The following FMN1 variants were observed in gnomAD, a reference collection of about 807,000 sequenced individuals.
FMN1 encodes formin-1.
In FMN1, 110 loss-of-function variants were observed where a neutral mutation model predicts 132.4. The observed-to-expected ratio is 0.83, with a 90% CI of 0.71 to 0.97. The LOEUF is 0.97. FMN1 is among the 50% of genes least tolerant of loss of function. The pLI is 0.00. For missense variants in FMN1, 1,792 were observed against 1,705.3 expected, an observed-to-expected ratio of 1.05 and a Z score of -0.90; for synonymous variants, 722 against 651.7, an observed-to-expected ratio of 1.11 and a Z score of -1.64.
At chr15:32,965,182 G>C (rs2031080507) in intron 8 of FMN1, among the ~76,000 whole-genome samples, 1 of 152,160 alleles carries the variant, frequency 6.6e-6, no homozygotes, top group Non-Finnish European at 1.5e-5. Flanking sequence ...CAGATCACTT[G>C]GGGTCAGGAG....
chr15:33,037,173 A>T (rs1211189516), intron 6 of FMN1, among the ~76,000 whole-genome samples: 1 of 152,236 alleles, frequency 6.6e-6, no homozygotes, highest in Non-Finnish European at 1.5e-5. Context: ...TTGCTGACTC[A>T]GGCCAGTCCC....
chr15:33,037,032 A>T (rs554303414), intron 6 of FMN1, among the ~76,000 whole-genome samples: 46 of 152,230 alleles, frequency 3.0e-4, no homozygotes, highest in Non-Finnish European at 6.5e-4. Context: ...CTTTTTTCCT[A>T]TACACCTTTA....
At chr15:32,872,360 G>A (rs2059536315) in intron 16 of FMN1, among the ~76,000 whole-genome samples, 1 of 152,196 alleles carries the variant, frequency 6.6e-6, no homozygotes, top group Non-Finnish European at 1.5e-5. Flanking sequence ...TATCATTAGT[G>A]CAAGACAATG....
chr15:32,985,919 C>T (rs2140813786), intron 7 of FMN1, among the ~76,000 whole-genome samples: 1 of 152,188 alleles, frequency 6.6e-6, no homozygotes, highest in East Asian at 1.9e-4. Flanking sequence ...TAAATATATT[C>T]CCACTTCAAT....
chr15:33,001,278 C>T (rs1315772281), intron 7 of FMN1, among the ~76,000 whole-genome samples: 1 of 151,766 alleles, frequency 6.6e-6, no homozygotes, highest in Non-Finnish European at 1.5e-5. Flanking sequence ...AGTAAGACTC[C>T]GTCTCAAAAA....
chr15:33,087,204 C>G (rs935326057), intron 5 of FMN1, among the ~76,000 whole-genome samples: 7 of 152,174 alleles, frequency 4.6e-5, no homozygotes, highest in Non-Finnish European at 1.0e-4. Context: ...CCAGTGCTTT[C>G]TAAGGAGGAG....
chr15:32,813,349 G>A (rs1387302205), intron 17 of FMN1, among the ~76,000 whole-genome samples: 1 of 152,132 alleles, frequency 6.6e-6, no homozygotes, highest in African/African-American at 2.4e-5. Flanking sequence ...GTTCTAGGAG[G>A]TAATCGGACA....
At chr15:32,824,341 C>G (rs577699000) in intron 17 of FMN1, among the ~76,000 whole-genome samples, 6 of 152,178 alleles carry the variant, frequency 3.9e-5, no homozygotes, top group Non-Finnish European at 8.8e-5. Context: ...GCTTACCTCA[C>G]AGAGTGGATA....
chr15:32,784,373 C>CTT (rs966286179), intron 19 of FMN1, among the ~76,000 whole-genome samples: 42 of 143,546 alleles, frequency 2.9e-4, no homozygotes, highest in African/African-American at 9.1e-4. Flanking sequence ...AAGAGGTCTG[C>CTT]TTTTTTTTTT....
At chr15:33,059,335 G>A (rs1027818514) in intron 6 of FMN1, among the ~76,000 whole-genome samples, 4 of 152,146 alleles carry the variant, frequency 2.6e-5, no homozygotes, top group African/African-American at 9.7e-5. Flanking sequence ...TGGCTATTGT[G>A]AATAGTTCTA....
chr15:32,824,351 A>G (rs1301560355), intron 17 of FMN1, among the ~76,000 whole-genome samples: 1 of 152,216 alleles, frequency 6.6e-6, no homozygotes, highest in East Asian at 1.9e-4. Context: ...CAGAGTGGAT[A>G]GATATCCACA....
chr15:32,849,759 C>T (rs1272571702), intron 17 of FMN1, among the ~76,000 whole-genome samples: 3 of 152,010 alleles, frequency 2.0e-5, no homozygotes, highest in Non-Finnish European at 2.9e-5. Flanking sequence ...TGGGTTCAAG[C>T]GATTCTCCTG....
chr15:33,127,175 AGG>A (rs1566940036), intron 4 of FMN1, among the ~76,000 whole-genome samples: 10 of 148,518 alleles, frequency 6.7e-5, no homozygotes, highest in Middle Eastern at 3.3e-3. Flanking sequence ...AACAGAGAGG[AGG>A]TCAGGCCAGA....
At chr15:32,817,339 G>A (rs75854717) in intron 17 of FMN1, among the ~76,000 whole-genome samples, 4,271 of 152,226 alleles carry the variant, frequency 0.028, 205 homozygotes, top group African/African-American at 0.097. Flanking sequence ...CACAGAACCC[G>A]ACAAAAGTCT....
chr15:32,969,507 A>C, intron 7 of FMN1, 30 bp from the exon 8 acceptor site: 1 of 1,603,736 alleles, frequency 6.2e-7, no homozygotes, highest in Non-Finnish European at 8.5e-7. Context: ...GAAAGAAAGT[A>C]ATGAGTTTAT....
chr15:33,057,619 A>G (rs1376184434), intron 6 of FMN1, among the ~76,000 whole-genome samples: 1 of 152,052 alleles, frequency 6.6e-6, no homozygotes, highest in Non-Finnish European at 1.5e-5. Flanking sequence ...AAACCCATGA[A>G]CCCCTGCAGT....
At chr15:33,110,972 G>T (rs1045271107) in intron 4 of FMN1, among the ~76,000 whole-genome samples, 1 of 151,938 alleles carries the variant, frequency 6.6e-6, no homozygotes, top group Non-Finnish European at 1.5e-5. Flanking sequence ...TAATTATTCC[G>T]AGTAAATGAG....
chr15:32,962,021 G>C (rs1173173302), intron 9 of FMN1, among the ~76,000 whole-genome samples: 1 of 152,008 alleles, frequency 6.6e-6, no homozygotes, highest in Non-Finnish European at 1.5e-5. Context: ...CCCTACTAAA[G>C]TCGACCCTCC....
intron 7 of FMN1, among the ~76,000 whole-genome samples, chr15:32,986,892 T>C (rs185392339): frequency 6.8e-4 from 104 of 152,280 alleles, no homozygotes; most frequent in Admixed American, 2.6e-3. Context: ...TATTTCAGGT[T>C]TTCTCTAGTA....
Sources: gnomAD v4.1 joint callset for allele counts (sites outside exome capture counted in the v4.1 genomes callset) on GRCh38, gnomAD v4.1.1 for gene constraint, MANE v1.5 for transcripts, NCBI Gene and HGNC (gene_info 2026-07-23, HGNC 2026-07-21) for gene names.